The following TSGA10 variants were observed in gnomAD, a reference collection of about 807,000 sequenced individuals.
TSGA10 encodes the protein testis-specific gene 10 protein.
TSGA10 carries 43 observed loss-of-function variants against 96.6 expected under a neutral mutation model. The ratio of observed to expected loss-of-function variants is 0.44; its 90% CI spans 0.35 to 0.57. The LOEUF is 0.57. Ranked by LOEUF, TSGA10 falls within the 20% of genes least tolerant of loss-of-function variation. The pLI is 0.01. For synonymous variants in TSGA10, 229 were observed against 269.9 expected, an observed-to-expected ratio of 0.85 and a Z score of 1.48; for missense variants, 703 against 834.4, an observed-to-expected ratio of 0.84 and a Z score of 1.94.
At chr2:99,137,727 T>C (rs1263964579) in intron 1 of TSGA10, among the ~76,000 whole-genome samples, 1 of 152,068 alleles carries the variant, frequency 6.6e-6, no homozygotes, top group Non-Finnish European at 1.5e-5. Context: ...GATGGTGACT[T>C]GGACCAGGGA....
At chr2:99,151,197 C>T (rs1231167727) in intron 1 of TSGA10, 1 of 165,616 alleles carries the variant, frequency 6.0e-6, no homozygotes, top group Non-Finnish European at 1.3e-5. Flanking sequence ...CGCAGTGGCT[C>T]ACACCTGTAA....
chr2:99,011,316 G>A (rs777225183), intron 20 of TSGA10, among the ~76,000 whole-genome samples: 3 of 152,118 alleles, frequency 2.0e-5, no homozygotes, highest in Non-Finnish European at 4.4e-5. Flanking sequence ...ATTTTCAGTA[G>A]AGACGGGATT....
chr2:99,072,355 C>G (rs927425064), intron 13 of TSGA10, among the ~76,000 whole-genome samples: 11 of 152,218 alleles, frequency 7.2e-5, no homozygotes, highest in Non-Finnish European at 1.5e-4. Context: ...TTTAGACCCT[C>G]TGTTATACTC....
intron 17 of TSGA10, among the ~76,000 whole-genome samples, chr2:99,021,387 A>G (rs1434094080): frequency 2.0e-5 from 3 of 152,182 alleles, no homozygotes; most frequent in Non-Finnish European, 4.4e-5. Context: ...TAGTAAATCA[A>G]ATTAATAGCT....
intron 1 of TSGA10, chr2:99,142,168 G>A (rs2093572555): frequency 1.3e-5 from 2 of 152,322 alleles, no homozygotes; most frequent in African/African-American, 4.8e-5. Flanking sequence ...ATTTTTTGGA[G>A]CCCAGAATGG....
intron 20 of TSGA10, among the ~76,000 whole-genome samples, chr2:99,001,251 G>A (rs1419638100): frequency 6.6e-6 from 1 of 152,146 alleles, no homozygotes; most frequent in East Asian, 1.9e-4. Flanking sequence ...ATACAGCCAG[G>A]TGCCCCTCTG....
chr2:99,020,306 T>C lies in TSGA10; in HGVS notation c.1791A>G (p.Glu597=), dbSNP rs1195291075. Residue 597 remains glutamate, a synonymous_variant, in exon 18 of 21, where the codon GAA becomes GAG. Transcript: ENST00000393483. ...EKESEIQLLK[E]HLCLAENKMA... Reference sequence around the variant, plus strand: ...TTTTATTTTCTGCCAAACAAAGGTGTTCTTTAAGAAGCTGAATTTCAGATT... The same window carrying C: ...TTTTATTTTCTGCCAAACAAAGGTGCTCTTTAAGAAGCTGAATTTCAGATT... The C allele has an allele frequency of 1.2e-6, 2 of 1,613,750 alleles. No homozygotes were observed. The highest frequency in any genetic ancestry group is 8.5e-7 in the Non-Finnish European group (1 of 1,179,788).
intron 16 of TSGA10, among the ~76,000 whole-genome samples, chr2:99,037,282 T>C (rs2081720102): frequency 6.6e-6 from 1 of 152,026 alleles, no homozygotes; most frequent in Admixed American, 6.6e-5. Context: ...AGAGCAAAAA[T>C]CATACAAAGT....
chr2:99,074,582 A>G (rs1481819510), intron 12 of TSGA10, among the ~76,000 whole-genome samples: 1 of 152,204 alleles, frequency 6.6e-6, no homozygotes, highest in Non-Finnish European at 1.5e-5. Context: ...ACTCCATAAA[A>G]TGGAATGTTT....
intron 10 of TSGA10, among the ~76,000 whole-genome samples, chr2:99,093,465 T>G (rs944628865): frequency 2.6e-5 from 4 of 152,312 alleles, no homozygotes; most frequent in Non-Finnish European, 5.9e-5. Context: ...AAACTGTCAC[T>G]GTTTGCTGAT....
At chr2:99,020,212 T>A (rs925986315) in intron 18 of TSGA10, 68 bp downstream of exon 18, 22 of 1,389,400 alleles carry the variant, frequency 1.6e-5, no homozygotes, top group Non-Finnish European at 2.1e-5. Context: ...AATTCTAGCT[T>A]AAAATTTCTA....
intron 16 of TSGA10, among the ~76,000 whole-genome samples, chr2:99,048,995 G>C (rs1355394812): frequency 1.3e-5 from 2 of 152,130 alleles, no homozygotes; most frequent in Non-Finnish European, 1.5e-5. Flanking sequence ...ATCATCACTG[G>C]TCATTAGAGA....
chr2:99,140,964 C>T, intron 1 of TSGA10: 1 of 712,100 alleles, frequency 1.4e-6, no homozygotes. Flanking sequence ...TGCTAGCGCC[C>T]AACTCCGCCC....
At chr2:99,127,283 T>A in intron 1 of TSGA10, 107 bp from the exon 2 acceptor site, 2 of 951,176 alleles carry the variant, frequency 2.1e-6, no homozygotes, top group Non-Finnish European at 2.7e-6. Context: ...AGATTTTTTT[T>A]AACCATTTCC....
intron 20 of TSGA10, among the ~76,000 whole-genome samples, chr2:99,017,453 T>A (rs1431095310): frequency 2.6e-5 from 4 of 152,080 alleles, no homozygotes; most frequent in African/African-American, 9.7e-5. Context: ...AGTTAAGCTA[T>A]GAGGATGAAA....
At chr2:99,042,600 C>T (rs2082307749) in intron 16 of TSGA10, among the ~76,000 whole-genome samples, 2 of 152,134 alleles carry the variant, frequency 1.3e-5, no homozygotes, top group South Asian at 4.1e-4. Flanking sequence ...ACATTTGGGG[C>T]ATAGCTTTCT....
intron 4 of TSGA10, among the ~76,000 whole-genome samples, chr2:99,113,626 A>G (rs2091998415): frequency 6.6e-6 from 1 of 152,012 alleles, no homozygotes; most frequent in Non-Finnish European, 1.5e-5. Context: ...GCTCACTGCA[A>G]CCTCTGCCTC....
At chr2:99,081,910 T>A (rs978536676) in intron 10 of TSGA10, among the ~76,000 whole-genome samples, 1 of 152,180 alleles carries the variant, frequency 6.6e-6, no homozygotes, top group Non-Finnish European at 1.5e-5. Flanking sequence ...CCTAACCTTG[T>A]TTTTTACTAA....
intron 16 of TSGA10, among the ~76,000 whole-genome samples, chr2:99,049,580 G>T (rs2083170928): frequency 6.6e-6 from 1 of 152,022 alleles, no homozygotes; most frequent in Non-Finnish European, 1.5e-5. Flanking sequence ...GGGCCTGTCA[G>T]GGGGTGGGAG....
Sources: allele counts gnomAD v4.1 joint callset (sites outside exome capture counted in the v4.1 genomes callset), GRCh38; gene constraint gnomAD v4.1.1; transcripts MANE v1.5; gene names NCBI Gene and HGNC (gene_info 2026-07-23, HGNC 2026-07-21).